Variants in SLC35F3 observed in about 807,000 individuals in gnomAD.
SLC35F3 encodes the protein solute carrier family 35 member F3, also known as putative thiamine transporter SLC35F3.
Under a neutral mutation model 49.9 loss-of-function variants are expected in SLC35F3, and 25 were observed. The ratio of observed to expected loss-of-function variants is 0.50; its 90% CI spans 0.37 to 0.70. The LOEUF (loss-of-function observed/expected upper bound fraction) is 0.70. Among genes scored for constraint, SLC35F3 ranks in the 30% least tolerant of loss-of-function variants. SLC35F3 has a pLI of 0.00. For synonymous variants in SLC35F3, 275 were observed against 265.4 expected (o/e 1.04, Z -0.35); for missense variants, 525 against 639.8 (o/e 0.82, Z 1.94).
chr1:234,059,333 G>C (rs1000094134), intron 2 of SLC35F3, among the ~76,000 whole-genome samples: 3 of 150,212 alleles, frequency 2.0e-5, no homozygotes, highest in African/African-American at 7.4e-5. Context: ...CACTGTTTTA[G>C]CTGCACTCCA....
chr1:234,157,951 G>A (rs1322184264), intron 2 of SLC35F3, among the ~76,000 whole-genome samples: 1 of 152,002 alleles, frequency 6.6e-6, no homozygotes, highest in Non-Finnish European at 1.5e-5. Flanking sequence ...CAATAAAATG[G>A]CCTCTGAAAC....
chr1:234,256,817 G>T (rs982296872), intron 3 of SLC35F3, among the ~76,000 whole-genome samples: 3 of 152,144 alleles, frequency 2.0e-5, no homozygotes, highest in Non-Finnish European at 4.4e-5. Context: ...ATGTATATTT[G>T]GCCACCCCAT....
At chr1:234,019,920 G>A (rs574433259) in intron 2 of SLC35F3, among the ~76,000 whole-genome samples, 14 of 152,248 alleles carry the variant, frequency 9.2e-5, no homozygotes, top group Non-Finnish European at 1.5e-4. Context: ...TAAGAGTGAG[G>A]TTGTTACTCA....
chr1:234,188,490 A>C (rs1666681023), intron 2 of SLC35F3, among the ~76,000 whole-genome samples: 1 of 152,078 alleles, frequency 6.6e-6, no homozygotes, highest in Non-Finnish European at 1.5e-5. Flanking sequence ...TCTTGGGAAC[A>C]CAATTCTATT....
chr1:234,278,257 A>G (rs115578969), intron 3 of SLC35F3, among the ~76,000 whole-genome samples: 2 of 152,124 alleles, frequency 1.3e-5, no homozygotes, highest in African/African-American at 4.8e-5. Context: ...TTGAGAGGCC[A>G]AGGCTGGTGA....
intron 2 of SLC35F3, among the ~76,000 whole-genome samples, chr1:234,012,779 T>C (rs1186567465): frequency 2.6e-5 from 4 of 152,216 alleles, no homozygotes; most frequent in Admixed American, 2.0e-4. Flanking sequence ...CCTTTCTACA[T>C]AGACACAGTA....
At chr1:233,950,780 A>G (rs1027511686) in intron 2 of SLC35F3, among the ~76,000 whole-genome samples, 2 of 152,008 alleles carry the variant, frequency 1.3e-5, no homozygotes, top group Non-Finnish European at 2.9e-5. Context: ...CTCCCTTGAC[A>G]TCTATATTTT....
intron 2 of SLC35F3, among the ~76,000 whole-genome samples, chr1:233,914,081 G>C (rs920722317): frequency 6.6e-6 from 1 of 152,092 alleles, no homozygotes; most frequent in Non-Finnish European, 1.5e-5. Flanking sequence ...TAACTGCCCT[G>C]TACTACATCC....
intron 2 of SLC35F3, among the ~76,000 whole-genome samples, chr1:234,052,327 T>C (rs1284127103): frequency 1.3e-5 from 2 of 152,228 alleles, no homozygotes; most frequent in African/African-American, 2.4e-5. Flanking sequence ...CTGTTATTGG[T>C]CTATTCAGGG....
chr1:234,275,913 C>T (rs555428960), intron 3 of SLC35F3, among the ~76,000 whole-genome samples: 1 of 152,032 alleles, frequency 6.6e-6, no homozygotes, highest in East Asian at 1.9e-4. Context: ...GAGTAGGTAC[C>T]TTTATTTTCT....
chr1:233,944,174 G>A (rs1162371587), intron 2 of SLC35F3, among the ~76,000 whole-genome samples: 2 of 152,072 alleles, frequency 1.3e-5, no homozygotes, highest in African/African-American at 4.8e-5. Context: ...CAGAAGATAA[G>A]AAATAACCAA....
At chr1:233,938,773 CAG>C (rs1662375552) in intron 2 of SLC35F3, among the ~76,000 whole-genome samples, 1 of 151,716 alleles carries the variant, frequency 6.6e-6, no homozygotes, top group African/African-American at 2.4e-5. Flanking sequence ...TGGATAGACA[CAG>C]AGGAACTAGT....
At chr1:234,212,156 C>A (rs1231939124) in intron 2 of SLC35F3, among the ~76,000 whole-genome samples, 1 of 152,200 alleles carries the variant, frequency 6.6e-6, no homozygotes, top group Non-Finnish European at 1.5e-5. Flanking sequence ...AATATAAGTC[C>A]ATTAAACCTC....
chr1:234,251,183 C>G (rs1572115821), intron 3 of SLC35F3, among the ~76,000 whole-genome samples: 2 of 152,034 alleles, frequency 1.3e-5, no homozygotes, highest in East Asian at 3.8e-4. Flanking sequence ...TTTCTGACCT[C>G]CTTTAGGATG....
At position 233,904,863 on chromosome 1, in the gene SLC35F3, C is replaced by G. The variant is rs1018426874; in HGVS notation, c.-215C>G. The G allele has an allele frequency of 3.5e-6, 1 of 289,076 alleles. No homozygotes were observed. Among genetic ancestry groups the G allele is most frequent in the Non-Finnish European group, 6.2e-6 (1 of 160,728 alleles). 17.9% of individuals were successfully genotyped at this position (289,076 alleles called of 1,614,324 possible). A position where few individuals can be genotyped will look rare whatever the true frequency, so the allele number is the denominator to read the frequency against. ...CGCGGGCCGGCCTGGAGTCACCGGG[C>G]TGAACCGCCGCGCCTGCATCGTGCC... is the stretch of plus-strand genomic sequence containing the variant. On this transcript the variant is annotated 5_prime_UTR_variant, in exon 1 of 8. Transcript: ENST00000366618.
At position 234,096,783 on chromosome 1, in the gene SLC35F3, A is replaced by C. The variant is rs1272586793; in HGVS notation, c.284-134634A>C. 1.3e-5 allele frequency among the ~76,000 whole-genome samples: 2 copies of C among 152,184 alleles called. 1 individual carries two copies. Among genetic ancestry groups the C allele is most frequent in the Non-Finnish European group, 2.9e-5 (2 of 68,022 alleles). ...GGAAGACCAATTACAAGGCTATTTC[A>C]ATGACCTAATATTGCAGTGATAGAA... is the stretch of plus-strand genomic sequence containing the variant. On this transcript the variant is annotated intron_variant, in intron 2 of 7. Coordinates refer to ENST00000366618, the MANE Select transcript of SLC35F3 (RefSeq NM_173508.4).
intron 2 of SLC35F3, among the ~76,000 whole-genome samples, chr1:234,119,187 A>G (rs1306060778): frequency 6.6e-6 from 1 of 151,974 alleles, no homozygotes; most frequent in Non-Finnish European, 1.5e-5. Context: ...GGGAGTGAAT[A>G]CTTGTGAGCA....
At chr1:233,931,835 C>T (rs1223032394) in intron 2 of SLC35F3, among the ~76,000 whole-genome samples, 1 of 152,174 alleles carries the variant, frequency 6.6e-6, no homozygotes, top group Non-Finnish European at 1.5e-5. Flanking sequence ...TATAAAGACA[C>T]ATGTACACGT....
chr1:234,152,215 A>ATTATTATTG (rs58564251), intron 2 of SLC35F3, among the ~76,000 whole-genome samples: 14,486 of 141,366 alleles, frequency 0.1, 1,708 homozygotes, highest in East Asian at 0.62. Context: ...GAGTAACATT[A>ATTATTATTG]TTATTATTAT....
Sources: gnomAD v4.1 joint callset for allele counts (sites outside exome capture counted in the v4.1 genomes callset) on GRCh38, gnomAD v4.1.1 for gene constraint, MANE v1.5 for transcripts, NCBI Gene and HGNC (gene_info 2026-07-23, HGNC 2026-07-21) for gene names.